NOS1: variants seen among roughly 807,000 people sequenced by gnomAD.
The protein encoded by NOS1 is NOS type I.
A neutral mutation model predicts 164.5 loss-of-function variants in NOS1; 51 were observed. The ratio of observed to expected loss-of-function variants is 0.31; its 90% CI spans 0.25 to 0.39. The LOEUF (loss-of-function observed/expected upper bound fraction) is 0.39. Ranked by LOEUF, NOS1 falls within the 10% of genes least tolerant of loss-of-function variation. The pLI, the probability that NOS1 is intolerant of heterozygous loss-of-function variation, is 1.00. For synonymous variants in NOS1, 719 were observed against 745.8 expected (o/e 0.96, Z 0.59); for missense variants, 1,362 against 1,885.6 (o/e 0.72, Z 5.14).
At chr12:117,238,394 T>C (rs1310586320) in intron 20 of NOS1, among the ~76,000 whole-genome samples, 2 of 152,182 alleles carry the variant, frequency 1.3e-5, no homozygotes, top group Non-Finnish European at 2.9e-5. Context: ...TTGCGTCCTA[T>C]GTAAATCAAA....
At chr12:117,271,585 T>A (rs184693505) in intron 10 of NOS1, among the ~76,000 whole-genome samples, 1 of 152,254 alleles carries the variant, frequency 6.6e-6, no homozygotes, top group African/African-American at 2.4e-5. Flanking sequence ...ACCGGTGGAT[T>A]TTTAACAGCA....
At chr12:117,350,825 G>T (rs1211566021) in intron 1 of NOS1, among the ~76,000 whole-genome samples, 2 of 152,232 alleles carry the variant, frequency 1.3e-5, no homozygotes, top group Admixed American at 6.5e-5. Context: ...ACATCAAAAG[G>T]TCTCTTGGCC....
chr12:117,252,523 A>G (rs1871176188), intron 17 of NOS1, among the ~76,000 whole-genome samples: 2 of 152,220 alleles, frequency 1.3e-5, no homozygotes, highest in Admixed American at 6.5e-5. Flanking sequence ...TAGAATGTTC[A>G]ACACCAAGAG....
At chr12:117,288,306 G>A in intron 4 of NOS1, 87 bp from the exon 5 acceptor site, 3 of 1,316,746 alleles carry the variant, frequency 2.3e-6, no homozygotes, top group Non-Finnish European at 3.1e-6. Context: ...CGTACTCATG[G>A]TTGAGTTTAT....
chr12:117,340,562 C>G lies in NOS1; in HGVS notation c.-420-9073G>C, dbSNP rs112178040. ...GTATTTATTTTGAGACGGAGTCTCA[C>G]TCTGTCACCCAGGCTGGAGTGTGGT... is the stretch of plus-strand genomic sequence containing the variant. On this transcript the variant is annotated intron_variant, in intron 1 of 28. Transcript: ENST00000317775. Among the ~76,000 whole-genome samples the G allele has an allele frequency of 9.2e-3, 1,398 of 152,216 alleles. 19 individuals carry two copies. Among genetic ancestry groups the G allele is most frequent in the African/African-American group, 0.032 (1,315 of 41,524 alleles).
chr12:117,278,173 G>A, intron 8 of NOS1, 75 bp from the exon 9 acceptor site: 6 of 1,478,064 alleles, frequency 4.1e-6, no homozygotes, highest in Non-Finnish European at 5.4e-6. Flanking sequence ...GGGAAGCGGG[G>A]GTGGGGTGGA....
chr12:117,210,997 C>T lies in NOS1; in HGVS notation c.*4312G>A. 2 of 916,474 alleles carry T rather than the reference C, an allele frequency of 2.2e-6. No individual in the cohort carries two copies. Among genetic ancestry groups the T allele is most frequent in the Non-Finnish European group, 2.6e-6 (2 of 767,452 alleles). The allele number at this position is 916,474 out of a possible 1,614,324, so 56.8% of individuals were successfully genotyped here. The stretch of plus-strand genomic sequence containing the variant: ...TTGAGATAAGAGTCTTGCTCTGTCA[C>T]CCAGGCTGGAGTGCAGTGGTACAAT... On this transcript the variant is annotated 3_prime_UTR_variant, in exon 29 of 29. Transcript: ENST00000317775.
chr12:117,239,980 C>T (rs1159561161), intron 20 of NOS1, among the ~76,000 whole-genome samples: 1 of 152,020 alleles, frequency 6.6e-6, no homozygotes, highest in Non-Finnish European at 1.5e-5. Flanking sequence ...GGGGTGGGGG[C>T]TGATTTTGGG....
intron 2 of NOS1, among the ~76,000 whole-genome samples, chr12:117,318,266 A>G (rs1487136018): frequency 6.6e-6 from 1 of 152,054 alleles, no homozygotes; most frequent in Non-Finnish European, 1.5e-5. Context: ...CATCAGAAGC[A>G]CCCCAGGTGG....
chr12:117,266,315 G>A (rs955915119), intron 11 of NOS1, among the ~76,000 whole-genome samples: 6 of 151,988 alleles, frequency 3.9e-5, no homozygotes, highest in Non-Finnish European at 8.8e-5. Context: ...AGGCCTTTGC[G>A]TCCTCGTAGC....
chr12:117,265,368 A>G lies in NOS1; in HGVS notation c.2084T>C (p.Val695Ala). 1 of 1,587,538 alleles carries G rather than the reference A, an allele frequency of 6.3e-7. No homozygotes were observed. ...GTAGTTGAGCATCTCCTGGTGGAAC[A>G]CAGGGGTGATGCTTCCGGACATGGG... The part of the protein sequence containing the change: ...VPPMSGSITP[V>A]FHQEMLNYRL... The change falls in exon 12 of 29, where the codon GTG (valine) becomes GCG (alanine). Residue 695 changes from valine (V) to alanine (A), a missense_variant. Physicochemically the swap from Val to Ala is moderately conservative, Grantham distance 64. Transcript: ENST00000317775.
intron 26 of NOS1, among the ~76,000 whole-genome samples, chr12:117,222,308 G>C (rs749551203): frequency 6.6e-6 from 1 of 151,910 alleles, no homozygotes; most frequent in Non-Finnish European, 1.5e-5. Flanking sequence ...CAGGCTGGAG[G>C]GCAGTGGCGC....
intron 1 of NOS1, among the ~76,000 whole-genome samples, chr12:117,340,221 C>G (rs1363674879): frequency 2.0e-5 from 3 of 152,100 alleles, no homozygotes; most frequent in Non-Finnish European, 4.4e-5. Flanking sequence ...TCAGGGTGGT[C>G]TCAAACTCCC....
chr12:117,221,213 C>T (rs1956700094), intron 26 of NOS1, among the ~76,000 whole-genome samples: 1 of 151,742 alleles, frequency 6.6e-6, no homozygotes, highest in Non-Finnish European at 1.5e-5. Context: ...AGTGCAGTGG[C>T]ATGATCTCAG....
In NOS1 at chr12:117,302,147, T is replaced by C. The variant is rs1397840112; in HGVS notation, c.852+9319A>G. The C allele has an allele frequency of 6.6e-6, 3 of 456,130 alleles. No individual in the cohort carries two copies. In the East Asian group the frequency reaches 2.1e-4, roughly 32 times the overall value. 28.3% of individuals were successfully genotyped at this position (456,130 alleles called of 1,614,324 possible). A position where few individuals can be genotyped will look rare whatever the true frequency, so the allele number is the denominator to read the frequency against. The stretch of plus-strand genomic sequence containing the variant: ...AATGAAGCCATGGACTTAAAGTGCT[T>C]AGCACAGTACCTGATATTGCTCAAT... On this transcript the variant is annotated intron_variant, in intron 3 of 28. Transcript: ENST00000317775.
Position 117,208,540 on chromosome 12 carries a change from AG to A in NOS1, c.*6768del. On this transcript the variant is annotated 3_prime_UTR_variant, in exon 29 of 29. Coordinates refer to ENST00000317775, the MANE Select transcript of NOS1 (RefSeq NM_000620.5). ...TCTGGAAAACCACTGCTGAGCCAGG[AG>A]TGTGAGTCTTAACAATCACAACGAG... 8.2e-7 allele frequency: 1 copy of A among 1,215,710 alleles called. No homozygotes were observed. Among genetic ancestry groups the A allele is most frequent in the Non-Finnish European group, 1.1e-6 (1 of 950,242 alleles). 75.3% of individuals were successfully genotyped at this position (1,215,710 alleles called of 1,614,324 possible). A position where few individuals can be genotyped will look rare whatever the true frequency, so the allele number is the denominator to read the frequency against.
intron 20 of NOS1, among the ~76,000 whole-genome samples, chr12:117,240,940 TC>T (rs1319894172): frequency 1.6e-4 from 23 of 142,012 alleles, no homozygotes; most frequent in Non-Finnish European, 2.6e-4. Flanking sequence ...TTTTTCTTTT[TC>T]TTTTTTTTTT....
intron 2 of NOS1, among the ~76,000 whole-genome samples, chr12:117,314,900 T>C (rs1251605771): frequency 6.6e-6 from 1 of 152,172 alleles, no homozygotes; most frequent in Non-Finnish European, 1.5e-5. Flanking sequence ...CCTTCCTTTT[T>C]TAAAACAGAG....
chr12:117,233,485 A>G (rs1869436298), intron 21 of NOS1, among the ~76,000 whole-genome samples: 1 of 151,172 alleles, frequency 6.6e-6, no homozygotes, highest in African/African-American at 2.4e-5. Context: ...GGCGTCAGCC[A>G]CCTCACTCAG....
Sources: gnomAD v4.1 joint callset for allele counts (sites outside exome capture counted in the v4.1 genomes callset) on GRCh38, gnomAD v4.1.1 for gene constraint, MANE v1.5 for transcripts, NCBI Gene and HGNC (gene_info 2026-07-23, HGNC 2026-07-21) for gene names.